SEPTIN11: variants seen among roughly 807,000 people sequenced by gnomAD.
SEPTIN11 encodes septin 11, also known as septin-11.
In SEPTIN11, 25 loss-of-function variants were observed where a neutral mutation model predicts 51.4. The ratio of observed to expected loss-of-function variants is 0.49; its 90% CI spans 0.35 to 0.68. The LOEUF (loss-of-function observed/expected upper bound fraction) is 0.68, where lower values mean the gene tolerates loss of function less well. Among genes scored for constraint, SEPTIN11 ranks in the 30% least tolerant of loss-of-function variants. The probability of loss-of-function intolerance (pLI) is 0.00; values close to 1 mark genes in which losing one functional copy is unlikely to be tolerated. For synonymous variants in SEPTIN11, 174 were observed against 184.1 expected (o/e 0.95, Z 0.44); for missense variants, 381 against 520.8 (o/e 0.73, Z 2.61).
chr4:77,037,097 C>G lies in SEPTIN11; in HGVS notation c.*2585C>G. The G allele has an allele frequency of 9.3e-7, 1 of 1,070,498 alleles. No homozygotes were observed. 66.3% of individuals were successfully genotyped at this position (1,070,498 alleles called of 1,614,324 possible). A position where few individuals can be genotyped will look rare whatever the true frequency, so the allele number is the denominator to read the frequency against. ...CTAATCCAGGCCAGGTGTGGTGGCT[C>G]ATGCCTGTAATCCCAGCACTTTGAG... On this transcript the variant is annotated 3_prime_UTR_variant, in exon 10 of 10. Transcript: ENST00000264893.
rs978596394 is a variant in SEPTIN11, at chr4:77,036,978, A to C, written c.*2466A>C. 9.5e-6 allele frequency: 12 copies of C among 1,269,430 alleles called. No individual in the cohort carries two copies. The African/African-American group carries it at 1.7e-4, about 18-fold the overall frequency. The allele number at this position is 1,269,430 out of a possible 1,614,324, so 78.6% of individuals were successfully genotyped here. A position where few individuals can be genotyped will look rare whatever the true frequency, so the allele number is the denominator to read the frequency against. On this transcript the variant is annotated 3_prime_UTR_variant, in exon 10 of 10. Transcript: ENST00000264893. The stretch of plus-strand genomic sequence containing the variant: ...TGAGTAGCCTTTGTTTAAAAAAAAG[A>C]CTAAATATATTTAAAAGGCCACATT...
chr4:76,970,610 A>G (rs1722199939), intron 1 of SEPTIN11, among the ~76,000 whole-genome samples: 1 of 152,236 alleles, frequency 6.6e-6, no homozygotes, highest in Non-Finnish European at 1.5e-5. Context: ...AATTGGCTTA[A>G]GATTTTAATT....
chr4:76,958,958 T>C (rs1721683486), intron 1 of SEPTIN11: 12 of 1,047,310 alleles, frequency 1.1e-5, no homozygotes, highest in Non-Finnish European at 1.6e-5. Context: ...TGGCATGCAT[T>C]TGACTTCATA....
intron 1 of SEPTIN11, among the ~76,000 whole-genome samples, chr4:76,972,199 A>G (rs1259471593): frequency 6.6e-6 from 1 of 152,094 alleles, no homozygotes; most frequent in Admixed American, 6.5e-5. Context: ...GTATGTGCAA[A>G]TATCTTCTCC....
chr4:76,959,660 A>C (rs1721738658), intron 1 of SEPTIN11, among the ~76,000 whole-genome samples: 1 of 152,160 alleles, frequency 6.6e-6, no homozygotes, highest in African/African-American at 2.4e-5. Flanking sequence ...TTGATACATG[A>C]ACTATGAACT....
chr4:76,987,744 T>C, intron 1 of SEPTIN11: 1 of 500,116 alleles, frequency 2.0e-6, no homozygotes, highest in Non-Finnish European at 2.6e-6. Flanking sequence ...TACTGGGAGG[T>C]GGCTGGTGGT....
At chr4:77,029,000 C>T (rs1726396405) in intron 8 of SEPTIN11, among the ~76,000 whole-genome samples, 1 of 152,100 alleles carries the variant, frequency 6.6e-6, no homozygotes. Flanking sequence ...GCAGCAAAAC[C>T]GAGACTAAAA....
At chr4:77,017,021 T>C (rs1322808026) in intron 5 of SEPTIN11, among the ~76,000 whole-genome samples, 1 of 151,792 alleles carries the variant, frequency 6.6e-6, no homozygotes, top group Non-Finnish European at 1.5e-5. Context: ...CTGCAGGAGG[T>C]CTGTACTTTT....
In SEPTIN11 at chr4:77,036,364, T is replaced by G; in HGVS notation, c.*1852T>G. 1.2e-5 allele frequency: 13 copies of G among 1,041,676 alleles called. No homozygotes were observed. Among genetic ancestry groups the G allele is most frequent in the Non-Finnish European group, 1.5e-5 (13 of 864,746 alleles). The allele number at this position is 1,041,676 out of a possible 1,614,324, so 64.5% of individuals were successfully genotyped here. A position where few individuals can be genotyped will look rare whatever the true frequency, so the allele number is the denominator to read the frequency against. ...GTTGATTCAAACCATGGGCTGAATT[T>G]GCTCATAGGCTGTGCATCAGACAAA... is the stretch of plus-strand genomic sequence containing the variant. On this transcript the variant is annotated 3_prime_UTR_variant, in exon 10 of 10. Coordinates refer to ENST00000264893, the MANE Select transcript of SEPTIN11 (RefSeq NM_018243.4).
intron 5 of SEPTIN11, among the ~76,000 whole-genome samples, chr4:77,017,457 A>G (rs1416263954): frequency 6.6e-6 from 1 of 152,200 alleles, no homozygotes; most frequent in Admixed American, 6.5e-5. Context: ...ATTACACCAA[A>G]ATATTGACCA....
intron 1 of SEPTIN11, among the ~76,000 whole-genome samples, chr4:76,982,212 C>CTT (rs199895477): frequency 4.9e-5 from 7 of 144,206 alleles, no homozygotes; most frequent in Admixed American, 1.4e-4. Flanking sequence ...CTATTCAAAT[C>CTT]TTTTTTTTTT....
At chr4:76,983,909 A>G (rs1388965272) in intron 1 of SEPTIN11, among the ~76,000 whole-genome samples, 1 of 152,172 alleles carries the variant, frequency 6.6e-6, no homozygotes, top group Non-Finnish European at 1.5e-5. Context: ...TCGGAAGCTG[A>G]GGCAGGAGAA....
chr4:77,016,638 A>ATATATATATATATATG (rs1725305672), intron 5 of SEPTIN11, among the ~76,000 whole-genome samples: 2 of 97,858 alleles, frequency 2.0e-5, no homozygotes, highest in East Asian at 5.4e-4. Flanking sequence ...ATACACATAT[A>ATATATATATATATATG]TATATATATA....
chr4:77,038,376 A>G lies in SEPTIN11; in HGVS notation c.*3864A>G, dbSNP rs1341545749. 3 of 985,732 alleles carry G rather than the reference A, an allele frequency of 3.0e-6. No homozygotes were observed. The highest frequency in any genetic ancestry group is 2.3e-4 in the East Asian group (2 of 8,830). 61.1% of individuals were successfully genotyped at this position (985,732 alleles called of 1,614,324 possible). On this transcript the variant is annotated 3_prime_UTR_variant, in exon 10 of 10. Transcript: ENST00000264893. ...TAAAACTGTCGTGTAATCTACTTTC[A>G]TTGTTAATGCAGAATTGTCATATAT...
intron 9 of SEPTIN11, among the ~76,000 whole-genome samples, chr4:77,033,971 CTT>C (rs765812055): frequency 6.6e-6 from 1 of 152,146 alleles, no homozygotes; most frequent in Non-Finnish European, 1.5e-5. Flanking sequence ...AGTGATTGTC[CTT>C]TTTTTCCCCC....
intron 1 of SEPTIN11, among the ~76,000 whole-genome samples, chr4:76,986,887 G>A (rs1167687712): frequency 6.6e-6 from 1 of 151,784 alleles, no homozygotes; most frequent in Non-Finnish European, 1.5e-5. Context: ...TAATTCAAAT[G>A]TTACAGAAAC....
At chr4:76,955,732 C>A (rs1484686406) in intron 1 of SEPTIN11, among the ~76,000 whole-genome samples, 1 of 152,096 alleles carries the variant, frequency 6.6e-6, no homozygotes, top group African/African-American at 2.4e-5. Context: ...CCAAATTGAA[C>A]CCTTAAAGAA....
Position 76,987,162 on chromosome 4 carries a change from G to A in SEPTIN11, c.28-9263G>A, listed in dbSNP as rs1294836401. 2.0e-5 allele frequency among the ~76,000 whole-genome samples: 3 copies of A among 152,298 alleles called. No individual in the cohort carries two copies. In the East Asian group the frequency reaches 5.8e-4, roughly 29 times the overall value. ...TTATCTACCTGGCTTTGTGACCTAG[G>A]GGCTGGCTCCTGGATGCTCCTCCTT... On this transcript the variant is annotated intron_variant, in intron 1 of 9. Coordinates refer to ENST00000264893, the MANE Select transcript of SEPTIN11 (RefSeq NM_018243.4).
intron 4 of SEPTIN11, among the ~76,000 whole-genome samples, chr4:77,013,339 T>C (rs1339444898): frequency 4.6e-5 from 7 of 152,190 alleles, no homozygotes; most frequent in Non-Finnish European, 1.0e-4. Flanking sequence ...GTTTTATTTA[T>C]ACAAGTAAAG....
Sources: gnomAD v4.1 joint callset for allele counts (sites outside exome capture counted in the v4.1 genomes callset) on GRCh38, gnomAD v4.1.1 for gene constraint, MANE v1.5 for transcripts, NCBI Gene and HGNC (gene_info 2026-07-23, HGNC 2026-07-21) for gene names.